TACR1: variants seen among roughly 807,000 people sequenced by gnomAD.
TACR1 encodes the protein substance-P receptor.
TACR1 carries 25 observed loss-of-function variants against 35.8 expected under a neutral mutation model. That is an observed-to-expected ratio of 0.70 (90% CI 0.51 to 0.98). The LOEUF (loss-of-function observed/expected upper bound fraction) is 0.98. Among genes scored for constraint, TACR1 ranks in the 50% least tolerant of loss-of-function variants. The pLI, the probability that TACR1 is intolerant of heterozygous loss-of-function variation, is 0.00. For synonymous variants in TACR1, 195 were observed against 206.7 expected, an observed-to-expected ratio of 0.94 and a Z score of 0.48; for missense variants, 478 against 522.9, an observed-to-expected ratio of 0.91 and a Z score of 0.84.
At chr2:75,083,770 T>G (rs192708472) in intron 2 of TACR1, among the ~76,000 whole-genome samples, 20,890 of 152,244 alleles carry the variant, frequency 0.14, 1,977 homozygotes, top group Admixed American at 0.29. Context: ...TTTTGCACAT[T>G]GATTTTGCAT....
intron 1 of TACR1, among the ~76,000 whole-genome samples, chr2:75,151,493 T>G (rs561737651): frequency 2.0e-5 from 3 of 152,328 alleles, no homozygotes; most frequent in African/African-American, 7.2e-5. Context: ...CACATGGTGT[T>G]GAGCCTGCAG....
chr2:75,056,464 C>A (rs1421585960), intron 2 of TACR1, among the ~76,000 whole-genome samples: 1 of 152,202 alleles, frequency 6.6e-6, no homozygotes, highest in Non-Finnish European at 1.5e-5. Flanking sequence ...TCAAACCAGC[C>A]AATCTTAAAC....
intron 2 of TACR1, among the ~76,000 whole-genome samples, chr2:75,091,500 G>A (rs551647672): frequency 6.6e-6 from 1 of 152,136 alleles, no homozygotes; most frequent in East Asian, 1.9e-4. Flanking sequence ...TATAAGGGAG[G>A]TACTATAATA....
chr2:75,079,709 T>C (rs1673044834), intron 2 of TACR1, among the ~76,000 whole-genome samples: 1 of 151,596 alleles, frequency 6.6e-6, no homozygotes, highest in African/African-American at 2.4e-5. Flanking sequence ...TCAGGAAAAG[T>C]CCAAACTGTG....
chr2:75,066,559 C>T (rs1672765438), intron 2 of TACR1, among the ~76,000 whole-genome samples: 2 of 152,166 alleles, frequency 1.3e-5, no homozygotes, highest in Admixed American at 6.5e-5. Flanking sequence ...GACTGGAATG[C>T]GGCCAAGTCT....
At chr2:75,174,621 G>A (rs1278540752) in intron 1 of TACR1, among the ~76,000 whole-genome samples, 2 of 152,198 alleles carry the variant, frequency 1.3e-5, no homozygotes, top group Non-Finnish European at 2.9e-5. Context: ...AATGGAAACC[G>A]TGGATAAGGG....
At chr2:75,155,823 C>A (rs1461694265) in intron 1 of TACR1, among the ~76,000 whole-genome samples, 1 of 152,128 alleles carries the variant, frequency 6.6e-6, no homozygotes, top group Non-Finnish European at 1.5e-5. Flanking sequence ...TTATTGGAGA[C>A]CATCAAAAAG....
At chr2:75,154,401 A>AGCGTGCGCGCGC (rs1553380902) in intron 1 of TACR1, 1 of 76,442 alleles carries the variant, frequency 1.3e-5, no homozygotes, top group African/African-American at 5.8e-5. Flanking sequence ...ATCAGCCAAG[A>AGCGTGCGCGCGC]GCGCGCACGC....
intron 1 of TACR1, among the ~76,000 whole-genome samples, chr2:75,192,869 A>G (rs1414221435): frequency 6.6e-6 from 1 of 152,224 alleles, no homozygotes; most frequent in Non-Finnish European, 1.5e-5. Flanking sequence ...TTTTATTAAC[A>G]TAAAACTTCC....
intron 1 of TACR1, among the ~76,000 whole-genome samples, chr2:75,149,573 T>G (rs1202298625): frequency 5.3e-5 from 8 of 152,154 alleles, no homozygotes. Flanking sequence ...CATTTGTGAT[T>G]TTTGCACATT....
At chr2:75,165,630 G>A (rs1257554686) in intron 1 of TACR1, among the ~76,000 whole-genome samples, 1 of 152,056 alleles carries the variant, frequency 6.6e-6, no homozygotes, top group East Asian at 1.9e-4. Context: ...CTTCAGGTCA[G>A]AGCATTGGGC....
intron 1 of TACR1, among the ~76,000 whole-genome samples, chr2:75,179,943 A>G (rs1675522451): frequency 6.6e-6 from 1 of 152,114 alleles, no homozygotes; most frequent in Non-Finnish European, 1.5e-5. Context: ...CTGACTAATA[A>G]TTGTGGTCTA....
chr2:75,199,021 C>G lies in TACR1; in HGVS notation c.-87G>C. The G allele has an allele frequency of 6.7e-7, 1 of 1,502,258 alleles. No homozygotes were observed. The highest frequency in any genetic ancestry group is 8.9e-7 in the Non-Finnish European group (1 of 1,118,224). The allele number at this position is 1,502,258 out of a possible 1,614,324, so 93.1% of individuals were successfully genotyped here. ...GTGGCTGGCGCCTGGGGCTCAGGGT[C>G]CTTCTAAAGCCAGACAGGAGGGTGG... On this transcript the variant is annotated 5_prime_UTR_variant, in exon 1 of 5. Coordinates refer to ENST00000305249, the MANE Select transcript of TACR1 (RefSeq NM_001058.4).
rs2103772294 is a variant in TACR1, at chr2:75,047,523, C to T, written c.*1909G>A. 1 of 152,364 alleles carries T rather than the reference C, an allele frequency of 6.6e-6. No homozygotes were observed. The highest frequency in any genetic ancestry group is 2.4e-5 in the African/African-American group (1 of 41,584). 9.4% of individuals were successfully genotyped at this position (152,364 alleles called of 1,614,324 possible). A position where few individuals can be genotyped will look rare whatever the true frequency, so the allele number is the denominator to read the frequency against. On this transcript the variant is annotated 3_prime_UTR_variant, in exon 5 of 5. Transcript: ENST00000305249. ...ATGGGGTGTCCCCAACTTCTTGACA[C>T]CATCTTCTCAGGTACTTCTCATAAT... is the stretch of plus-strand genomic sequence containing the variant.
Position 75,049,114 on chromosome 2 carries a change from G to A in TACR1, c.*318C>T, listed in dbSNP as rs1339787317. 3.3e-6 allele frequency: 1 copy of A among 304,900 alleles called. No homozygotes were observed. The highest frequency in any genetic ancestry group is 6.1e-6 in the Non-Finnish European group (1 of 164,822). The allele number at this position is 304,900 out of a possible 1,614,324, so 18.9% of individuals were successfully genotyped here. On this transcript the variant is annotated 3_prime_UTR_variant, in exon 5 of 5. Transcript: ENST00000305249. ...TGTGCTGCAGAATTCATCCTGAAAT[G>A]AGCACTCGCATGCAGCCAAAGTCAC...
chr2:75,165,864 C>T (rs1483960635), intron 1 of TACR1, among the ~76,000 whole-genome samples: 2 of 152,182 alleles, frequency 1.3e-5, no homozygotes, highest in African/African-American at 4.8e-5. Flanking sequence ...TCATGTTTCT[C>T]TGTCCCTCCG....
chr2:75,081,618 A>C (rs1673088568), intron 2 of TACR1, among the ~76,000 whole-genome samples: 1 of 152,150 alleles, frequency 6.6e-6, no homozygotes, highest in African/African-American at 2.4e-5. Context: ...GTGGAAAAGA[A>C]AGTGGGCCAG....
intron 2 of TACR1, among the ~76,000 whole-genome samples, chr2:75,116,073 T>C (rs72807375): frequency 9.2e-5 from 14 of 152,200 alleles, no homozygotes; most frequent in African/African-American, 3.4e-4. Flanking sequence ...TGTACTTATA[T>C]AAGGCACTTT....
intron 2 of TACR1, among the ~76,000 whole-genome samples, chr2:75,076,705 C>G (rs1236361615): frequency 6.6e-6 from 1 of 152,068 alleles, no homozygotes; most frequent in Non-Finnish European, 1.5e-5. Flanking sequence ...GTTTTCTGGA[C>G]CTGACAATCA....
Sources: gnomAD v4.1 joint callset for allele counts (sites outside exome capture counted in the v4.1 genomes callset) on GRCh38, gnomAD v4.1.1 for gene constraint, MANE v1.5 for transcripts, NCBI Gene and HGNC (gene_info 2026-07-23, HGNC 2026-07-21) for gene names.